NCOA2: variants seen among roughly 807,000 people sequenced by gnomAD.
The protein encoded by NCOA2 is nuclear receptor coactivator 2.
NCOA2 carries 21 observed loss-of-function variants against 145.1 expected under a neutral mutation model. That is an observed-to-expected ratio of 0.14 (90% CI 0.10 to 0.21). The LOEUF (loss-of-function observed/expected upper bound fraction) is 0.21. NCOA2 is among the 10% of genes least tolerant of loss of function. The pLI is 1.00. For missense variants in NCOA2, 1,472 were observed against 1,837.6 expected, an observed-to-expected ratio of 0.80 and a Z score of 3.64; for synonymous variants, 619 against 637.5, an observed-to-expected ratio of 0.97 and a Z score of 0.44.
chr8:70,390,222 C>T (rs1408310662), intron 1 of NCOA2, among the ~76,000 whole-genome samples: 1 of 152,146 alleles, frequency 6.6e-6, no homozygotes, highest in Non-Finnish European at 1.5e-5. Context: ...GTCTAGGTCT[C>T]TATGTCCCAT....
intron 1 of NCOA2, among the ~76,000 whole-genome samples, chr8:70,365,243 A>G (rs1156715222): frequency 1.3e-5 from 2 of 152,186 alleles, no homozygotes; most frequent in Admixed American, 1.3e-4. Context: ...GAGGTGGGAA[A>G]ACAGATTGAG....
At chr8:70,415,513 G>T in the NCOA2 span, among the ~76,000 whole-genome samples, 3 of 152,158 alleles carry the variant, frequency 2.0e-5, no homozygotes, top group Non-Finnish European at 4.4e-5. Flanking sequence ...TGAAATCAAT[G>T]AATGAAGGGG....
chr8:70,315,801 T>C (rs1805539680), intron 1 of NCOA2, among the ~76,000 whole-genome samples: 1 of 152,190 alleles, frequency 6.6e-6, no homozygotes, highest in South Asian at 2.1e-4. Context: ...ACAAGCCTCA[T>C]CCACAACCTA....
At chr8:70,222,886 T>C (rs544633096) in intron 2 of NCOA2, among the ~76,000 whole-genome samples, 58 of 152,122 alleles carry the variant, frequency 3.8e-4, no homozygotes, top group Non-Finnish European at 5.7e-4. Flanking sequence ...TGGGCGAAAA[T>C]GTCTAGTCTG....
intron 2 of NCOA2, among the ~76,000 whole-genome samples, chr8:70,255,300 C>T (rs973914586): frequency 2.0e-4 from 30 of 152,062 alleles, no homozygotes; most frequent in African/African-American, 7.0e-4. Flanking sequence ...TATTTTTTGC[C>T]AAACTTAAAA....
In NCOA2 at chr8:70,228,004, C is replaced by CAAAAAAAA. The variant is rs34992637; in HGVS notation, c.-19-11248_-19-11241dup. Reference sequence around the variant, plus strand: ...TGGGCGACAGAGTGAGACTCCATCTCAAAAAAAAAAAAAAAAAGCCAAATT... The same window carrying CAAAAAAAA: ...TGGGCGACAGAGTGAGACTCCATCTCAAAAAAAAAAAAAAAAAAAAAAAAAGCCAAATT... On this transcript the variant is annotated intron_variant, in intron 2 of 22. Transcript: ENST00000452400. Among the ~76,000 whole-genome samples, 2 of 112,280 alleles carry CAAAAAAAA rather than the reference C, an allele frequency of 1.8e-5. 1 individual carries two copies. Among genetic ancestry groups the CAAAAAAAA allele is most frequent in the Non-Finnish European group, 3.5e-5 (2 of 57,398 alleles). 73.7% of individuals were successfully genotyped at this position (112,280 alleles called of 152,430 possible).
intron 4 of NCOA2, among the ~76,000 whole-genome samples, chr8:70,176,000 C>G (rs1426109993): frequency 6.6e-6 from 1 of 152,042 alleles, no homozygotes; most frequent in South Asian, 2.1e-4. Context: ...CATGACAAAG[C>G]TTTCACAGAG....
intron 2 of NCOA2, among the ~76,000 whole-genome samples, chr8:70,286,719 T>A (rs527484551): frequency 6.6e-6 from 1 of 152,342 alleles, no homozygotes; most frequent in African/African-American, 2.4e-5. Context: ...TGGTAAATAC[T>A]GTTAATTATA....
At chr8:70,432,764 A>C in the NCOA2 span, among the ~76,000 whole-genome samples, 1 of 152,152 alleles carries the variant, frequency 6.6e-6, no homozygotes, top group Non-Finnish European at 1.5e-5. Context: ...ATTACAATAA[A>C]AATTCTTTTT....
At chr8:70,227,815 G>A (rs568917831) in intron 2 of NCOA2, among the ~76,000 whole-genome samples, 1 of 152,160 alleles carries the variant, frequency 6.6e-6, no homozygotes, top group African/African-American at 2.4e-5. Flanking sequence ...AGGAGTTTGA[G>A]ACCAGGCTGG....
chr8:70,411,241 A>T, the NCOA2 span, among the ~76,000 whole-genome samples: 1 of 152,188 alleles, frequency 6.6e-6, no homozygotes, highest in African/African-American at 2.4e-5. Context: ...GCCCAGTATT[A>T]CCATTTGTAA....
intron 2 of NCOA2, among the ~76,000 whole-genome samples, chr8:70,265,597 A>T (rs1824501649): frequency 6.6e-6 from 1 of 152,168 alleles, no homozygotes; most frequent in South Asian, 2.1e-4. Context: ...TCTATTTTTT[A>T]AAAAAATACT....
At position 70,383,548 on chromosome 8, in the gene NCOA2, C is replaced by G. The variant is rs550430763; in HGVS notation, c.-77+20152G>C. 2.0e-5 allele frequency among the ~76,000 whole-genome samples: 3 copies of G among 152,172 alleles called. No homozygotes were observed. The East Asian group carries it at 5.8e-4, about 29-fold the overall frequency. ...GAGACAGAGTTTCGCTCTTGCTGCC[C>G]AGGCTGGAGTGCAATGGCATGATCT... On this transcript the variant is annotated intron_variant, in intron 1 of 22. Coordinates refer to ENST00000452400, the MANE Select transcript of NCOA2 (RefSeq NM_006540.4).
chr8:70,299,473 C>T (rs1449832530), intron 1 of NCOA2, among the ~76,000 whole-genome samples: 1 of 152,026 alleles, frequency 6.6e-6, no homozygotes, highest in Non-Finnish European at 1.5e-5. Context: ...ATATAAAGAT[C>T]TCTTACAACT....
At chr8:70,291,511 GA>G (rs199636193) in intron 2 of NCOA2, among the ~76,000 whole-genome samples, 3 of 150,884 alleles carry the variant, frequency 2.0e-5, no homozygotes, top group South Asian at 2.1e-4. Context: ...TGTGCATTCT[GA>G]AAAAAAAATT....
the NCOA2 span, among the ~76,000 whole-genome samples, chr8:70,419,933 G>A: frequency 1.3e-5 from 2 of 152,252 alleles, no homozygotes; most frequent in South Asian, 4.1e-4. Context: ...TTGTTAATAT[G>A]CTTGAAATTA....
chr8:70,195,427 C>G (rs1817185101), intron 4 of NCOA2, among the ~76,000 whole-genome samples: 1 of 152,124 alleles, frequency 6.6e-6, no homozygotes, highest in Admixed American at 6.5e-5. Context: ...GAAGTGCTTC[C>G]TGATTGAAAC....
intron 2 of NCOA2, among the ~76,000 whole-genome samples, chr8:70,217,551 G>C (rs1397778118): frequency 6.6e-6 from 1 of 152,066 alleles, no homozygotes; most frequent in East Asian, 1.9e-4. Context: ...GAAGTCAGGG[G>C]AACTTTACTG....
intron 2 of NCOA2, among the ~76,000 whole-genome samples, chr8:70,227,983 C>A (rs1002063338): frequency 7.6e-6 from 1 of 131,206 alleles, no homozygotes; most frequent in Non-Finnish European, 1.5e-5. Flanking sequence ...CCAGCCTGGG[C>A]GACAGAGTGA....
Sources: gnomAD v4.1 joint callset for allele counts (sites outside exome capture counted in the v4.1 genomes callset) on GRCh38, gnomAD v4.1.1 for gene constraint, MANE v1.5 for transcripts, NCBI Gene and HGNC (gene_info 2026-07-23, HGNC 2026-07-21) for gene names.